The following SIK3 variants were observed in gnomAD, a reference collection of about 807,000 sequenced individuals.
The protein encoded by SIK3 is serine/threonine-protein kinase SIK3.
In SIK3, 28 loss-of-function variants were observed where a neutral mutation model predicts 144.2. The observed-to-expected ratio is 0.19, with a 90% CI of 0.14 to 0.27. The LOEUF (loss-of-function observed/expected upper bound fraction) is 0.27, where lower values mean the gene tolerates loss of function less well. Ranked by LOEUF, SIK3 falls within the 10% of genes least tolerant of loss-of-function variation. SIK3 has a pLI of 1.00. For synonymous variants in SIK3, 686 were observed against 676.3 expected (o/e 1.01, Z -0.22); for missense variants, 1,319 against 1,776.0 (o/e 0.74, Z 4.62).
chr11:116,992,012 C>T (rs559290304), intron 1 of SIK3, among the ~76,000 whole-genome samples: 3 of 152,174 alleles, frequency 2.0e-5, no homozygotes, highest in African/African-American at 4.8e-5. Flanking sequence ...TGTCTTTCTA[C>T]GTATTTAGAC....
intron 4 of SIK3, among the ~76,000 whole-genome samples, chr11:116,922,508 C>A (rs1487469794): frequency 6.6e-6 from 1 of 151,834 alleles, no homozygotes; most frequent in South Asian, 2.1e-4. Flanking sequence ...GGGGAAGGGG[C>A]GGGCATGGTG....
At chr11:117,031,468 C>T (rs1054782889) in intron 1 of SIK3, among the ~76,000 whole-genome samples, 2 of 150,346 alleles carry the variant, frequency 1.3e-5, no homozygotes, top group Non-Finnish European at 3.0e-5. Flanking sequence ...TATCAAAAAT[C>T]AGTTGGGCAA....
At chr11:116,946,108 T>C (rs1239398349) in intron 3 of SIK3, among the ~76,000 whole-genome samples, 1 of 152,220 alleles carries the variant, frequency 6.6e-6, no homozygotes, top group African/African-American at 2.4e-5. Context: ...TCCTCATTGA[T>C]CTTGCTTTAG....
chr11:116,927,455 CT>C, intron 3 of SIK3, 75 bp from the exon 4 acceptor site: 1 of 1,432,244 alleles, frequency 7.0e-7, no homozygotes. Context: ...TTAAGGAGGG[CT>C]ACAAGGGGCC....
chr11:116,876,373 A>G lies in SIK3; in HGVS notation c.985-10T>C, dbSNP rs1220822093. The G allele has an allele frequency of 1.2e-6, 2 of 1,603,840 alleles. No individual in the cohort carries two copies. On this transcript the variant is annotated splice_polypyrimidine_tract_variant and intron_variant, in intron 7 of 24. Coordinates refer to ENST00000445177, the MANE Select transcript of SIK3 (RefSeq NM_001366686.3). ...GGCATTCAGCTATTAACTGTAACAT[A>G]AAAAGGAGGAAGCTGTCAACCCCCC... is the stretch of plus-strand genomic sequence containing the variant.
intron 6 of SIK3, among the ~76,000 whole-genome samples, chr11:116,889,376 C>T (rs976882510): frequency 1.3e-5 from 2 of 152,060 alleles, no homozygotes; most frequent in East Asian, 3.8e-4. Flanking sequence ...CCAGACTGGG[C>T]AATGTAGTGA....
At chr11:116,878,655 C>T (rs1163291718) in intron 6 of SIK3, among the ~76,000 whole-genome samples, 1 of 152,222 alleles carries the variant, frequency 6.6e-6, no homozygotes, top group African/African-American at 2.4e-5. Flanking sequence ...GCTGGGATTA[C>T]AGGCGTGAGC....
chr11:116,890,221 T>C (rs891884060), intron 6 of SIK3, among the ~76,000 whole-genome samples: 3 of 152,058 alleles, frequency 2.0e-5, no homozygotes, highest in African/African-American at 7.2e-5. Context: ...AAGAGAATGA[T>C]GGGGGTAGCC....
intron 1 of SIK3, among the ~76,000 whole-genome samples, chr11:117,051,615 AC>A (rs1953248285): frequency 6.6e-6 from 1 of 151,482 alleles, no homozygotes; most frequent in Non-Finnish European, 1.5e-5. Context: ...TGCAACCTCC[AC>A]CTCCTGGGTT....
intron 1 of SIK3, among the ~76,000 whole-genome samples, chr11:117,023,726 G>T (rs1951895128): frequency 6.6e-6 from 1 of 150,758 alleles, no homozygotes; most frequent in Non-Finnish European, 1.5e-5. Context: ...ACCCAGGCTG[G>T]AGTGCAGTGG....
chr11:117,032,953 C>T (rs1952326943), intron 1 of SIK3, among the ~76,000 whole-genome samples: 1 of 151,950 alleles, frequency 6.6e-6, no homozygotes, highest in South Asian at 2.1e-4. Flanking sequence ...ATTTCAAACC[C>T]TACAGAGGGC....
chr11:117,070,441 A>AT (rs911192150), intron 1 of SIK3, among the ~76,000 whole-genome samples: 7 of 96,578 alleles, frequency 7.2e-5, no homozygotes, highest in Admixed American at 7.2e-4. Context: ...ACTGAACAAT[A>AT]CCTTTTTTTT....
intron 1 of SIK3, among the ~76,000 whole-genome samples, chr11:117,061,029 T>C (rs921839979): frequency 1.3e-5 from 2 of 152,140 alleles, no homozygotes; most frequent in Non-Finnish European, 2.9e-5. Context: ...AAGGGATCGC[T>C]TGAGGCCAGG....
intron 6 of SIK3, among the ~76,000 whole-genome samples, chr11:116,877,859 C>T (rs907070332): frequency 6.6e-5 from 10 of 152,178 alleles, no homozygotes; most frequent in South Asian, 4.1e-4. Flanking sequence ...CAAAACAGCA[C>T]TATTGATGCA....
At chr11:117,046,954 T>A (rs998832439) in intron 1 of SIK3, among the ~76,000 whole-genome samples, 8 of 152,208 alleles carry the variant, frequency 5.3e-5, no homozygotes, top group African/African-American at 1.7e-4. Flanking sequence ...GGCAATCTGA[T>A]ATCCCCCATC....
rs1944245703 is a variant in SIK3, at chr11:116,876,237, A to C, written c.1095+16T>G. On this transcript the variant is annotated intron_variant, in intron 8 of 24. Coordinates refer to ENST00000445177, the MANE Select transcript of SIK3 (RefSeq NM_001366686.3). ...ACTGCTACATCCCACTTTGTTCTCC[A>C]CTCCTTCGGAGATACCTGCAGTGTC... 6.2e-7 allele frequency: 1 copy of C among 1,606,264 alleles called. No homozygotes were observed. The highest frequency in any genetic ancestry group is 8.5e-7 in the Non-Finnish European group (1 of 1,174,898).
chr11:117,045,895 T>A (rs977988789), intron 1 of SIK3, among the ~76,000 whole-genome samples: 8 of 152,220 alleles, frequency 5.3e-5, no homozygotes, highest in Admixed American at 2.6e-4. Context: ...AATCATCCAG[T>A]TTAAACTTTT....
intron 3 of SIK3, among the ~76,000 whole-genome samples, chr11:116,933,137 C>CA (rs1555101648): frequency 2.1e-5 from 3 of 140,020 alleles, no homozygotes; most frequent in Non-Finnish European, 4.6e-5. Flanking sequence ...AACCTTGCTC[C>CA]TTTTTTTTTT....
intron 1 of SIK3, among the ~76,000 whole-genome samples, chr11:117,027,450 C>A (rs542303154): frequency 6.7e-6 from 1 of 148,186 alleles, no homozygotes; most frequent in South Asian, 2.1e-4. Context: ...TTTTTTATAT[C>A]TGTTTGTTTG....
Sources: gnomAD v4.1 joint callset for allele counts (sites outside exome capture counted in the v4.1 genomes callset) on GRCh38, gnomAD v4.1.1 for gene constraint, MANE v1.5 for transcripts, NCBI Gene and HGNC (gene_info 2026-07-23, HGNC 2026-07-21) for gene names.